The following RBFOX1 variants were observed in gnomAD, a reference collection of about 807,000 sequenced individuals.
The protein encoded by RBFOX1 is RNA binding fox-1 homolog 1.
In RBFOX1, 8 loss-of-function variants were observed where a neutral mutation model predicts 57.7. That is an observed-to-expected ratio of 0.14 (90% CI 0.08 to 0.25). The LOEUF is 0.25. Among genes scored for constraint, RBFOX1 ranks in the 10% least tolerant of loss-of-function variants. RBFOX1 has a pLI of 1.00. For missense variants in RBFOX1, 611 were observed against 548.5 expected (o/e 1.11, Z -1.14); for synonymous variants, 326 against 222.4 (o/e 1.47, Z -4.15).
At chr16:6,195,545 C>G (rs1028842028) in intron 1 of RBFOX1, among the ~76,000 whole-genome samples, 1 of 152,020 alleles carries the variant, frequency 6.6e-6, no homozygotes, top group African/African-American at 2.4e-5. Flanking sequence ...TGGAGAAACC[C>G]CATGTCTACT....
At chr16:5,974,364 G>T (rs200049690) in intron 4 of RBFOX1, among the ~76,000 whole-genome samples, 1 of 152,022 alleles carries the variant, frequency 6.6e-6, no homozygotes, top group Admixed American at 6.5e-5. Flanking sequence ...ATCCCAGCAC[G>T]TTGGGAGGCC....
At chr16:7,286,433 C>T (rs996054423) in intron 4 of RBFOX1, among the ~76,000 whole-genome samples, 1 of 149,858 alleles carries the variant, frequency 6.7e-6, no homozygotes, top group East Asian at 2.0e-4. Context: ...GGGTTTCATA[C>T]TTTGATACTT....
intron 4 of RBFOX1, chr16:7,510,286 G>A (rs771759527): frequency 3.4e-4 from 333 of 985,912 alleles, no homozygotes; most frequent in Admixed American, 9.8e-4. Context: ...GTTTATGGAG[G>A]AGAAAGGAAG....
At chr16:6,305,970 G>A (rs1490042508) in intron 1 of RBFOX1, among the ~76,000 whole-genome samples, 1 of 152,120 alleles carries the variant, frequency 6.6e-6, no homozygotes, top group South Asian at 2.1e-4. Flanking sequence ...GTCCATGAAA[G>A]CCCCTGGGTC....
intron 2 of RBFOX1, among the ~76,000 whole-genome samples, chr16:6,484,670 GT>G (rs1352097461): frequency 1.3e-5 from 2 of 152,104 alleles, no homozygotes; most frequent in Admixed American, 6.6e-5. Flanking sequence ...GAAATTGGGG[GT>G]TTTATTATTT....
rs113914120 is a variant in RBFOX1 at position 7,451,664 on chromosome 16, G to A, written c.28-66483G>A. On this transcript the variant is annotated intron_variant, in intron 4 of 15. Transcript: ENST00000550418. ...ATTAAACCTACCTGTCTTTAAATGAGTTGTTGGCTGCCCCTCCCCCCGCCC... is the reference window on the plus strand; with the variant it reads ...ATTAAACCTACCTGTCTTTAAATGAATTGTTGGCTGCCCCTCCCCCCGCCC... Among the ~76,000 whole-genome samples the A allele has an allele frequency of 4.8e-3, 724 of 151,612 alleles. 4 individuals are homozygous for A. The highest frequency in any genetic ancestry group is 0.016 in the African/African-American group (663 of 41,190).
chr16:5,417,910 A>G (rs1368973521), intron 1 of RBFOX1, among the ~76,000 whole-genome samples: 1 of 152,106 alleles, frequency 6.6e-6, no homozygotes, highest in Admixed American at 6.6e-5. Flanking sequence ...GTGGAACCGC[A>G]TCTCTACTAA....
intron 4 of RBFOX1, among the ~76,000 whole-genome samples, chr16:7,099,224 A>G (rs1205054793): frequency 6.6e-6 from 1 of 152,148 alleles, no homozygotes. Context: ...ATACGTGTGG[A>G]TGTAGAATGA....
At chr16:6,741,388 C>G (rs114063101) in intron 3 of RBFOX1, among the ~76,000 whole-genome samples, 2 of 151,962 alleles carry the variant, frequency 1.3e-5, no homozygotes, top group African/African-American at 4.8e-5. Context: ...TTTGGCTGGA[C>G]GGGGTGGCTC....
At chr16:7,602,946 G>T (rs972082677) in intron 9 of RBFOX1, among the ~76,000 whole-genome samples, 4 of 152,260 alleles carry the variant, frequency 2.6e-5, no homozygotes, top group African/African-American at 7.2e-5. Flanking sequence ...TTCAGAAACT[G>T]TACAAATACA....
chr16:5,728,476 T>G (rs1029897967), intron 3 of RBFOX1, among the ~76,000 whole-genome samples: 1 of 152,160 alleles, frequency 6.6e-6, no homozygotes, highest in African/African-American at 2.4e-5. Flanking sequence ...CCAGGTGGAG[T>G]TCCCCTGGAG....
chr16:6,368,684 C>G (rs909922274), intron 2 of RBFOX1, among the ~76,000 whole-genome samples: 2 of 152,202 alleles, frequency 1.3e-5, no homozygotes, highest in Non-Finnish European at 2.9e-5. Flanking sequence ...TAGGTTCATT[C>G]ACCATTCATT....
chr16:6,902,900 C>T (rs1405451144), intron 3 of RBFOX1, among the ~76,000 whole-genome samples: 2 of 152,118 alleles, frequency 1.3e-5, no homozygotes, highest in African/African-American at 4.8e-5. Flanking sequence ...CTACTTTAGG[C>T]CAAGTATTGA....
intron 1 of RBFOX1, among the ~76,000 whole-genome samples, chr16:6,234,805 A>T (rs1042430861): frequency 1.4e-5 from 2 of 147,802 alleles, no homozygotes; most frequent in African/African-American, 4.9e-5. Context: ...CATACGCATG[A>T]ACTACACACA....
At chr16:6,575,568 T>G (rs918707119) in intron 2 of RBFOX1, among the ~76,000 whole-genome samples, 8 of 152,112 alleles carry the variant, frequency 5.3e-5, no homozygotes, top group African/African-American at 1.9e-4. Context: ...TTAAAAAGAT[T>G]AATAAAGGGC....
intron 1 of RBFOX1, among the ~76,000 whole-genome samples, chr16:6,194,021 G>A (rs1172509534): frequency 6.6e-6 from 1 of 152,150 alleles, no homozygotes; most frequent in African/African-American, 2.4e-5. Flanking sequence ...ATGAAGCCTA[G>A]AATCTCATTC....
At chr16:7,067,918 G>C (rs1385872648) in intron 4 of RBFOX1, among the ~76,000 whole-genome samples, 1 of 150,192 alleles carries the variant, frequency 6.7e-6, no homozygotes, top group Non-Finnish European at 1.5e-5. Flanking sequence ...CTGGGTGTGA[G>C]CTGAGGGTCA....
At chr16:6,707,762 T>A (rs932084473) in intron 3 of RBFOX1, among the ~76,000 whole-genome samples, 5 of 152,294 alleles carry the variant, frequency 3.3e-5, no homozygotes, top group Admixed American at 2.6e-4. Context: ...TTAGTAGCCG[T>A]GTAGGAGACC....
intron 4 of RBFOX1, among the ~76,000 whole-genome samples, chr16:7,471,674 G>C (rs2061576959): frequency 6.6e-6 from 1 of 152,224 alleles, no homozygotes; most frequent in Non-Finnish European, 1.5e-5. Context: ...AGAATCCAGA[G>C]ATGTTGAACT....
Sources: gnomAD v4.1 joint callset for allele counts (sites outside exome capture counted in the v4.1 genomes callset) on GRCh38, gnomAD v4.1.1 for gene constraint, MANE v1.5 for transcripts, NCBI Gene and HGNC (gene_info 2026-07-23, HGNC 2026-07-21) for gene names.